HS3ST3A1: variants seen among roughly 807,000 people sequenced by gnomAD.
The protein encoded by HS3ST3A1 is heparan sulfate-glucosamine 3-sulfotransferase 3A1, also known as heparan sulfate glucosamine 3-O-sulfotransferase 3A1.
Under a neutral mutation model 25.7 loss-of-function variants are expected in HS3ST3A1, and 19 were observed. That is an observed-to-expected ratio of 0.74 (90% confidence interval 0.52 to 1.08). The LOEUF is 1.08. Ranked by LOEUF, HS3ST3A1 falls within the 50% of genes least tolerant of loss-of-function variation. The pLI is 0.00. For synonymous variants in HS3ST3A1, 226 were observed against 278.6 expected, an observed-to-expected ratio of 0.81 and a Z score of 1.88; for missense variants, 459 against 594.3, an observed-to-expected ratio of 0.77 and a Z score of 2.37.
intron 1 of HS3ST3A1, among the ~76,000 whole-genome samples, chr17:13,530,031 CAT>C (rs1491072341): frequency 4.6e-5 from 7 of 151,122 alleles, no homozygotes; most frequent in African/African-American, 1.5e-4. Context: ...CACACACACA[CAT>C]ACACACGGGT....
intron 1 of HS3ST3A1, among the ~76,000 whole-genome samples, chr17:13,595,040 C>G (rs1908539394): frequency 6.6e-6 from 1 of 151,902 alleles, no homozygotes; most frequent in Non-Finnish European, 1.5e-5. Context: ...GTCTCTCGAA[C>G]TCCCGACGGC....
At chr17:13,569,679 C>T (rs1048605581) in intron 1 of HS3ST3A1, among the ~76,000 whole-genome samples, 3 of 152,188 alleles carry the variant, frequency 2.0e-5, no homozygotes, top group African/African-American at 4.8e-5. Context: ...TTACAACTAT[C>T]AACTTCTGAA....
intron 1 of HS3ST3A1, among the ~76,000 whole-genome samples, chr17:13,571,964 T>A (rs1215468000): frequency 6.6e-6 from 1 of 152,120 alleles, no homozygotes; most frequent in Non-Finnish European, 1.5e-5. Flanking sequence ...TTCGCCACAC[T>A]AGCCAGTTGG....
intron 1 of HS3ST3A1, among the ~76,000 whole-genome samples, chr17:13,527,769 T>C (rs554653413): frequency 6.6e-6 from 1 of 152,352 alleles, no homozygotes; most frequent in African/African-American, 2.4e-5. Flanking sequence ...CTTCCAACTA[T>C]GGCTGCAGCG....
chr17:13,524,609 A>G (rs932864975), intron 1 of HS3ST3A1, among the ~76,000 whole-genome samples: 1 of 152,170 alleles, frequency 6.6e-6, no homozygotes, highest in Admixed American at 6.5e-5. Flanking sequence ...CAAAAGTTCA[A>G]ATGAATGTAT....
At chr17:13,577,085 C>T (rs1006806600) in intron 1 of HS3ST3A1, among the ~76,000 whole-genome samples, 1 of 152,136 alleles carries the variant, frequency 6.6e-6, no homozygotes, top group Non-Finnish European at 1.5e-5. Context: ...GGGGAACTCC[C>T]CTTTATAAAA....
intron 1 of HS3ST3A1, among the ~76,000 whole-genome samples, chr17:13,576,921 G>C (rs1318282667): frequency 6.6e-6 from 1 of 152,276 alleles, no homozygotes; most frequent in South Asian, 2.1e-4. Flanking sequence ...TCATGCTGCT[G>C]ATAAAGACAT....
intron 1 of HS3ST3A1, among the ~76,000 whole-genome samples, chr17:13,526,277 A>G (rs1176142012): frequency 1.3e-5 from 2 of 151,820 alleles, no homozygotes; most frequent in Non-Finnish European, 2.9e-5. Context: ...GCCTCAATCC[A>G]GACTTCCCTG....
At chr17:13,582,595 T>C (rs1459269568) in intron 1 of HS3ST3A1, among the ~76,000 whole-genome samples, 3 of 152,268 alleles carry the variant, frequency 2.0e-5, no homozygotes, top group Admixed American at 1.3e-4. Flanking sequence ...TCCACTGATG[T>C]GGTTTGCTAA....
At chr17:13,580,713 G>C (rs909011692) in intron 1 of HS3ST3A1, among the ~76,000 whole-genome samples, 12 of 151,996 alleles carry the variant, frequency 7.9e-5, no homozygotes. Context: ...CCAACATGGA[G>C]AAACTCCATC....
chr17:13,593,359 G>A (rs62053921), intron 1 of HS3ST3A1, among the ~76,000 whole-genome samples: 21,647 of 152,002 alleles, frequency 0.14, 1,642 homozygotes, highest in African/African-American at 0.17. Context: ...CTCTATGACA[G>A]GAAGCTTTGG....
intron 1 of HS3ST3A1, among the ~76,000 whole-genome samples, chr17:13,570,919 A>T (rs1907787886): frequency 1.3e-5 from 2 of 152,224 alleles, no homozygotes; most frequent in African/African-American, 4.8e-5. Flanking sequence ...AAAGTCCTTG[A>T]CCATATTTGA....
At chr17:13,505,961 A>G (rs2142299604) in intron 1 of HS3ST3A1, among the ~76,000 whole-genome samples, 1 of 140,322 alleles carries the variant, frequency 7.1e-6, no homozygotes, top group East Asian at 2.3e-4. Flanking sequence ...CGGGAGGCGG[A>G]GGTTGCAGTG....
chr17:13,549,577 C>T lies in HS3ST3A1; in HGVS notation c.599+50954G>A, dbSNP rs115493698. Among the ~76,000 whole-genome samples, 574 of 152,304 alleles carry T rather than the reference C, an allele frequency of 3.8e-3. 1 individual carries two copies. The highest frequency in any genetic ancestry group is 0.013 in the African/African-American group (544 of 41,558). On this transcript the variant is annotated intron_variant, in intron 1 of 1. Transcript: ENST00000284110. Reference sequence around the variant, plus strand: ...AATCCTCTGACCTCAGGGCACTTTCCTGAACACTGATGACTTCCAAAGCAC... The same window carrying T: ...AATCCTCTGACCTCAGGGCACTTTCTTGAACACTGATGACTTCCAAAGCAC...
chr17:13,554,855 G>A (rs975406802), intron 1 of HS3ST3A1, among the ~76,000 whole-genome samples: 1 of 152,014 alleles, frequency 6.6e-6, no homozygotes, highest in African/African-American at 2.4e-5. Flanking sequence ...TTATTATCTT[G>A]AAACTAAACG....
At position 13,496,935 on chromosome 17, in the gene HS3ST3A1, C is replaced by CT. The variant is rs1375424282; in HGVS notation, c.600-118dup. Reference sequence around the variant, plus strand: ...TCCAGCCCCCGCAACCCCCCACTTGCTAGACATCTGATGGTGACGTCGCAC... The same window carrying CT: ...TCCAGCCCCCGCAACCCCCCACTTGCTTAGACATCTGATGGTGACGTCGCAC... On this transcript the variant is annotated intron_variant, in intron 1 of 1. Coordinates refer to ENST00000284110, the MANE Select transcript of HS3ST3A1 (RefSeq NM_006042.3). 4.3e-6 allele frequency: 6 copies of CT among 1,406,280 alleles called. No homozygotes were observed. In the African/African-American group the frequency reaches 8.6e-5, roughly 20 times the overall value. The allele number at this position is 1,406,280 out of a possible 1,614,324, so 87.1% of individuals were successfully genotyped here.
chr17:13,592,648 C>T (rs900059604), intron 1 of HS3ST3A1, among the ~76,000 whole-genome samples: 1 of 152,150 alleles, frequency 6.6e-6, no homozygotes, highest in Non-Finnish European at 1.5e-5. Context: ...AAAGAAAATA[C>T]TGTTAGTTTC....
rs528699280 is a variant in HS3ST3A1, at chr17:13,502,472, G to A, written c.600-5654C>T. ...AACAACACATATGCATGGTGCATCC[G>A]ATATATGCAAGAAAGAATAAAAAGA... On this transcript the variant is annotated intron_variant, in intron 1 of 1. Transcript: ENST00000284110. Among the ~76,000 whole-genome samples the A allele has an allele frequency of 7.9e-5, 12 of 152,146 alleles. No homozygotes were observed. The East Asian group carries it at 2.3e-3, about 29-fold the overall frequency.
chr17:13,585,015 C>T (rs1055939215), intron 1 of HS3ST3A1, among the ~76,000 whole-genome samples: 1 of 152,034 alleles, frequency 6.6e-6, no homozygotes, highest in Admixed American at 6.6e-5. Context: ...AATAATAAAA[C>T]CTGTATTCAT....
Sources: gnomAD v4.1 joint callset for allele counts (sites outside exome capture counted in the v4.1 genomes callset) on GRCh38, gnomAD v4.1.1 for gene constraint, MANE v1.5 for transcripts, NCBI Gene and HGNC (gene_info 2026-07-23, HGNC 2026-07-21) for gene names.